The following ADAM23 variants were observed in gnomAD, a reference collection of about 807,000 sequenced individuals.
The protein encoded by ADAM23 is disintegrin and metalloproteinase domain-containing protein 23.
A neutral mutation model predicts 120.1 loss-of-function variants in ADAM23; 33 were observed. The ratio of observed to expected loss-of-function variants is 0.27; its 90% CI spans 0.21 to 0.37. The LOEUF (loss-of-function observed/expected upper bound fraction) is 0.37, where lower values mean the gene tolerates loss of function less well. ADAM23 is among the 10% of genes least tolerant of loss of function. ADAM23 has a pLI of 1.00. For missense variants in ADAM23, 862 were observed against 1,058.2 expected, an observed-to-expected ratio of 0.81 and a Z score of 2.57; for synonymous variants, 367 against 375.2, an observed-to-expected ratio of 0.98 and a Z score of 0.25.
intron 15 of ADAM23, among the ~76,000 whole-genome samples, chr2:206,568,405 C>T (rs1346326478): frequency 2.0e-5 from 3 of 152,062 alleles, no homozygotes; most frequent in Non-Finnish European, 2.9e-5. Context: ...TAAAACTTGT[C>T]CTAAACTGAA....
chr2:206,541,922 G>GTCCT, intron 4 of ADAM23, 130 bp from the exon 5 acceptor site: 1 of 862,060 alleles, frequency 1.2e-6, no homozygotes, highest in East Asian at 2.5e-5. Context: ...TTATATAGGA[G>GTCCT]GAGTTTCTAG....
At chr2:206,562,147 C>A in intron 12 of ADAM23, 56 bp from the exon 13 acceptor site, 1 of 1,422,016 alleles carries the variant, frequency 7.0e-7, no homozygotes, top group Non-Finnish European at 9.9e-7. Flanking sequence ...GAAATAATAA[C>A]TAGCTTTGTG....
chr2:206,601,293 A>G (rs1698636218), intron 24 of ADAM23, among the ~76,000 whole-genome samples: 1 of 152,134 alleles, frequency 6.6e-6, no homozygotes, highest in African/African-American at 2.4e-5. Flanking sequence ...TCACAACCAC[A>G]CTCATCAAAT....
chr2:206,540,144 T>G (rs560487451), intron 4 of ADAM23, among the ~76,000 whole-genome samples: 1 of 151,114 alleles, frequency 6.6e-6, no homozygotes, highest in African/African-American at 2.4e-5. Flanking sequence ...ATCATGCCAC[T>G]GCACTCCAGC....
intron 16 of ADAM23, 72 bp from the exon 17 acceptor site, chr2:206,571,655 C>A: frequency 1.9e-6 from 2 of 1,044,410 alleles, no homozygotes; most frequent in Non-Finnish European, 3.0e-6. Flanking sequence ...AATATGCATG[C>A]CACGTGTGGA....
chr2:206,445,572 C>T, intron 2 of ADAM23, 48 bp downstream of exon 2: 1 of 1,487,858 alleles, frequency 6.7e-7, no homozygotes, highest in Non-Finnish European at 9.1e-7. Context: ...GAAGAGTTTT[C>T]CTTTGATTTG....
At chr2:206,564,743 A>T (rs376905051) in intron 13 of ADAM23, among the ~76,000 whole-genome samples, 2 of 152,324 alleles carry the variant, frequency 1.3e-5, no homozygotes, top group African/African-American at 4.8e-5. Context: ...TAGAACTAGG[A>T]ACCAAATTGA....
At chr2:206,473,825 T>A (rs1695716909) in intron 2 of ADAM23, among the ~76,000 whole-genome samples, 1 of 151,420 alleles carries the variant, frequency 6.6e-6, no homozygotes, top group African/African-American at 2.4e-5. Flanking sequence ...CTGGACAGCA[T>A]GGTGCGACCC....
intron 21 of ADAM23, 39 bp downstream of exon 21, chr2:206,589,553 G>A: frequency 6.5e-7 from 1 of 1,545,620 alleles, no homozygotes; most frequent in Non-Finnish European, 8.8e-7. Flanking sequence ...ACTGGACTTG[G>A]AAGCCCTTCT....
chr2:206,475,441 C>G (rs1695756835), intron 2 of ADAM23, among the ~76,000 whole-genome samples: 1 of 151,902 alleles, frequency 6.6e-6, no homozygotes, highest in Non-Finnish European at 1.5e-5. Context: ...CCAAACTAGT[C>G]CTCTTTAGAA....
chr2:206,567,115 C>A (rs1574538507), intron 14 of ADAM23, 108 bp from the exon 15 acceptor site: 3 of 835,940 alleles, frequency 3.6e-6, no homozygotes, highest in Admixed American at 2.4e-5. Flanking sequence ...TGTGTAGATT[C>A]ATTTGGATTC....
chr2:206,485,030 C>CT (rs1409429691), intron 3 of ADAM23, among the ~76,000 whole-genome samples: 1 of 152,128 alleles, frequency 6.6e-6, no homozygotes, highest in Non-Finnish European at 1.5e-5. Context: ...TCCATTAAAG[C>CT]TTTTTTTCTT....
rs1187761709 is a variant in ADAM23 at position 206,567,289 on chromosome 2, A to T, written c.1461A>T (p.Gly487=). The change falls in exon 15 of 26, where the codon GGA becomes GGT. Residue 487 remains glycine, a synonymous_variant. Coordinates refer to ENST00000264377, the MANE Select transcript of ADAM23 (RefSeq NM_003812.4). ...AGTATAGAGACTTTTTACAGAGAGG[A>T]GGTGGAGCCTGCCTTTTCAACAGGC... ...ILEYRDFLQR[G]GGACLFNRPT... is the part of the protein sequence containing the mutation. 13 of 1,613,938 alleles carry T rather than the reference A, an allele frequency of 8.1e-6. No homozygotes were observed. The highest frequency in any genetic ancestry group is 1.1e-5 in the Non-Finnish European group (13 of 1,179,878).
chr2:206,529,073 A>G (rs1386448371), intron 3 of ADAM23, among the ~76,000 whole-genome samples: 1 of 152,156 alleles, frequency 6.6e-6, no homozygotes, highest in Non-Finnish European at 1.5e-5. Context: ...ATAGGGAGAA[A>G]TATGTTTTAA....
At chr2:206,548,217 A>G (rs1697438995) in intron 7 of ADAM23, 64 bp from the exon 8 acceptor site, 2 of 1,463,274 alleles carry the variant, frequency 1.4e-6, no homozygotes, top group Non-Finnish European at 1.9e-6. Flanking sequence ...TTCATGTAAT[A>G]TTTTAAAACA....
At chr2:206,595,050 G>A in intron 23 of ADAM23, 145 bp downstream of exon 23, 1 of 1,016,572 alleles carries the variant, frequency 9.8e-7, no homozygotes, top group African/African-American at 1.6e-5. Flanking sequence ...GCGTGGTGGT[G>A]GGCACCTGTA....
intron 3 of ADAM23, among the ~76,000 whole-genome samples, chr2:206,512,480 C>T (rs1696643292): frequency 1.3e-5 from 2 of 152,250 alleles, no homozygotes; most frequent in South Asian, 4.1e-4. Context: ...TACATGGCCT[C>T]AAGATCTAAA....
chr2:206,518,921 A>G (rs1382122585), intron 3 of ADAM23, among the ~76,000 whole-genome samples: 1 of 152,200 alleles, frequency 6.6e-6, no homozygotes, highest in Non-Finnish European at 1.5e-5. Flanking sequence ...ATAGATGAAA[A>G]TATCAAATAG....
intron 2 of ADAM23, among the ~76,000 whole-genome samples, chr2:206,479,188 A>G (rs1306013465): frequency 6.6e-6 from 1 of 152,240 alleles, no homozygotes; most frequent in African/African-American, 2.4e-5. Context: ...TATTCTAGCA[A>G]TTATCAAATT....
Sources: allele counts gnomAD v4.1 joint callset (sites outside exome capture counted in the v4.1 genomes callset), GRCh38; gene constraint gnomAD v4.1.1; transcripts MANE v1.5; gene names NCBI Gene and HGNC (gene_info 2026-07-23, HGNC 2026-07-21).